The following URB1 variants were observed in gnomAD, a reference collection of about 807,000 sequenced individuals.
The protein encoded by URB1 is nucleolar pre-ribosomal-associated protein 1.
URB1 carries 197 observed loss-of-function variants against 242.3 expected under a neutral mutation model. That is an observed-to-expected ratio of 0.81 (90% confidence interval 0.72 to 0.91). The LOEUF (loss-of-function observed/expected upper bound fraction) is 0.91. URB1 is among the 40% of genes least tolerant of loss of function. The pLI, the probability that URB1 is intolerant of heterozygous loss-of-function variation, is 0.00. For synonymous variants in URB1, 1,153 were observed against 1,201.8 expected, an observed-to-expected ratio of 0.96 and a Z score of 0.84; for missense variants, 2,721 against 2,860.5, an observed-to-expected ratio of 0.95 and a Z score of 1.11.
In URB1 at chr21:32,344,590, G is replaced by A; in HGVS notation, c.4237C>T (p.Leu1413Phe). ...CTTACCAACAACGCATTTAATCTAA[G>A]CAGCATTTCCTTCTCCTGATTCTGA... ...NTQNQEKEML[L>F]RLNALLHALN... The change falls in exon 24 of 39, where the codon CTT becomes TTT. Residue 1413 changes from leucine (L) to phenylalanine (F), a missense_variant. Physicochemically the swap from Leu to Phe is conservative, Grantham distance 22. Coordinates refer to ENST00000382751, the MANE Select transcript of URB1 (RefSeq NM_014825.3). The A allele has an allele frequency of 6.4e-7, 1 of 1,552,228 alleles. No individual in the cohort carries two copies. The highest frequency in any genetic ancestry group is 8.7e-7 in the Non-Finnish European group (1 of 1,147,132).
At chr21:32,385,418 A>G (rs2033572965) in intron 2 of URB1, 127 bp downstream of exon 2, 1 of 1,360,920 alleles carries the variant, frequency 7.3e-7, no homozygotes, top group Non-Finnish European at 9.7e-7. Context: ...TTCCTACAGC[A>G]CAGGGACAAA....
Position 32,314,520 on chromosome 21 carries a change from A to T in URB1, c.*398T>A, listed in dbSNP as rs779619134. ...TTTAAACATCTCTCTTCGTTTTCAT[A>T]AAAAAAATCTGATACCTTTTGACAT... is the stretch of plus-strand genomic sequence containing the variant. On this transcript the variant is annotated 3_prime_UTR_variant, in exon 39 of 39. Coordinates refer to ENST00000382751, the MANE Select transcript of URB1 (RefSeq NM_014825.3). 8 of 1,580,522 alleles carry T rather than the reference A, an allele frequency of 5.1e-6. No individual in the cohort carries two copies. Among genetic ancestry groups the T allele is most frequent in the African/African-American group, 1.3e-5 (1 of 74,298 alleles).
intron 14 of URB1, 67 bp downstream of exon 14, chr21:32,359,729 C>A: frequency 7.2e-7 from 1 of 1,389,444 alleles, no homozygotes; most frequent in Non-Finnish European, 9.6e-7. Flanking sequence ...AGCAATTCAT[C>A]AGGCCAAGAA....
At chr21:32,377,557 C>T (rs770430922) in intron 5 of URB1, among the ~76,000 whole-genome samples, 31 of 152,228 alleles carry the variant, frequency 2.0e-4, no homozygotes, top group Middle Eastern at 6.8e-3. Context: ...CTGTCCGCTG[C>T]ATTATGCAGA....
At chr21:32,384,527 G>C (rs1209899832) in intron 2 of URB1, 63 bp from the exon 3 acceptor site, 1 of 1,512,216 alleles carries the variant, frequency 6.6e-7, no homozygotes, top group Non-Finnish European at 8.9e-7. Context: ...GTACATATAT[G>C]CTCCTTTTGT....
At position 32,345,394 on chromosome 21, in the gene URB1, G is replaced by A. The variant is rs892466660; in HGVS notation, c.4050C>T (p.His1350=). The A allele has an allele frequency of 6.4e-6, 10 of 1,551,272 alleles. No homozygotes were observed. In the Admixed American group the frequency reaches 2.0e-4, roughly 30 times the overall value. Reference sequence around the variant, plus strand: ...CATACCTCTTGTGACTGCTTGGGGTGTGAAGCAAGCTGGGCAGGCGGTCCA... The same window carrying A: ...CATACCTCTTGTGACTGCTTGGGGTATGAAGCAAGCTGGGCAGGCGGTCCA... ...VLMDRLPSLL[H]TPSSHKRWIV... The change falls in exon 23 of 39, where the codon CAC becomes CAT. Residue 1350 remains histidine, a synonymous_variant. Coordinates refer to ENST00000382751, the MANE Select transcript of URB1 (RefSeq NM_014825.3).
chr21:32,362,767 A>G (rs2033303308), intron 11 of URB1, among the ~76,000 whole-genome samples: 1 of 152,018 alleles, frequency 6.6e-6, no homozygotes, highest in African/African-American at 2.4e-5. Context: ...ATCCCTTCTC[A>G]CTGGGCCACA....
rs772007908 is a variant in URB1, at chr21:32,317,004, T to C, written c.6096A>G (p.Arg2032=). ...CCTCTGCCTCCCCAGGCCTCCTCTT[T>C]CGGCCCCGTGGGCCTTTGGCTCGGG... is the stretch of plus-strand genomic sequence containing the variant. ...MPARAKGPRG[R]KRRPGEAEEM... Residue 2032 remains arginine (R), a synonymous_variant, in exon 38 of 39, where the codon CGA becomes CGG. Transcript: ENST00000382751. The C allele has an allele frequency of 1.9e-6, 3 of 1,551,554 alleles. No homozygotes were observed. Among genetic ancestry groups the C allele is most frequent in the East Asian group, 2.4e-5 (1 of 40,916 alleles).
chr21:32,376,036 C>G lies in URB1; in HGVS notation c.665-553G>C, dbSNP rs149233043. 4.6e-5 allele frequency among the ~76,000 whole-genome samples: 7 copies of G among 152,248 alleles called. No homozygotes were observed. The East Asian group carries it at 1.3e-3, about 29-fold the overall frequency. On this transcript the variant is annotated intron_variant, in intron 5 of 38. Coordinates refer to ENST00000382751, the MANE Select transcript of URB1 (RefSeq NM_014825.3). ...ACCTACAAGCGAACCAATGACAGAA[C>G]TTTTTAAGAAGTTCAGTAGGTCTTT...
intron 10 of URB1, among the ~76,000 whole-genome samples, chr21:32,366,108 T>C (rs2033343256): frequency 6.6e-6 from 1 of 152,214 alleles, no homozygotes; most frequent in Admixed American, 6.5e-5. Flanking sequence ...AAGTATCAAT[T>C]TCTTCCATGA....
chr21:32,356,262 C>T (rs2033219236), intron 15 of URB1, among the ~76,000 whole-genome samples: 1 of 152,100 alleles, frequency 6.6e-6, no homozygotes, highest in African/African-American at 2.4e-5. Flanking sequence ...TGGTGGTGCG[C>T]ACACATGTGG....
chr21:32,321,632 G>A lies in URB1; in HGVS notation c.5484+169C>T, dbSNP rs561266730. ...AGTGAATCCACCTGCTCTGCATGCAGGGAACAGGACAGGCGCTCTCAACAT... is the reference window on the plus strand; with the variant it reads ...AGTGAATCCACCTGCTCTGCATGCAAGGAACAGGACAGGCGCTCTCAACAT... On this transcript the variant is annotated intron_variant, in intron 34 of 38. Coordinates refer to ENST00000382751, the MANE Select transcript of URB1 (RefSeq NM_014825.3). 1.8e-4 allele frequency among the ~76,000 whole-genome samples: 28 copies of A among 152,326 alleles called. No homozygotes were observed. The South Asian group carries it at 5.6e-3, about 30-fold the overall frequency.
At chr21:32,329,276 AT>A (rs1568811254) in intron 30 of URB1, among the ~76,000 whole-genome samples, 1 of 152,152 alleles carries the variant, frequency 6.6e-6, no homozygotes, top group East Asian at 1.9e-4. Flanking sequence ...TTAAAAAAAA[AT>A]GTGCCCCAGT....
At chr21:32,386,957 T>C (rs2033590033) in intron 1 of URB1, among the ~76,000 whole-genome samples, 2 of 152,156 alleles carry the variant, frequency 1.3e-5, no homozygotes, top group African/African-American at 4.8e-5. Context: ...TGATGCCTGT[T>C]GCTCTGAGTG....
chr21:32,367,381 C>G (rs1464858297), intron 9 of URB1, among the ~76,000 whole-genome samples: 1 of 152,102 alleles, frequency 6.6e-6, no homozygotes, highest in Non-Finnish European at 1.5e-5. Flanking sequence ...CTGTCTGTAC[C>G]AAAACAAGGG....
At chr21:32,349,024 C>T (rs2033125618) in intron 21 of URB1, among the ~76,000 whole-genome samples, 1 of 152,254 alleles carries the variant, frequency 6.6e-6, no homozygotes, top group South Asian at 2.1e-4. Flanking sequence ...TCAACACAAG[C>T]TGCAGCTATT....
At chr21:32,390,803 G>C (rs1276735903) in intron 1 of URB1, among the ~76,000 whole-genome samples, 2 of 152,196 alleles carry the variant, frequency 1.3e-5, no homozygotes, top group East Asian at 3.9e-4. Flanking sequence ...GTGGAAGTCA[G>C]TGTGGCGATT....
At chr21:32,363,964 T>C (rs1225240642) in intron 10 of URB1, among the ~76,000 whole-genome samples, 2 of 151,994 alleles carry the variant, frequency 1.3e-5, no homozygotes, top group African/African-American at 4.8e-5. Flanking sequence ...CCTTTTTTTT[T>C]TTCCTTTTGT....
At chr21:32,371,572 A>G (rs2033406296) in intron 8 of URB1, among the ~76,000 whole-genome samples, 1 of 152,260 alleles carries the variant, frequency 6.6e-6, no homozygotes, top group Non-Finnish European at 1.5e-5. Context: ...GTCCAAAGTC[A>G]TAAGCAGACA....
Sources: allele counts gnomAD v4.1 joint callset (sites outside exome capture counted in the v4.1 genomes callset), GRCh38; gene constraint gnomAD v4.1.1; transcripts MANE v1.5; gene names NCBI Gene and HGNC (gene_info 2026-07-23, HGNC 2026-07-21).